The following LRRIQ1 variants were observed in gnomAD, a reference collection of about 807,000 sequenced individuals.
LRRIQ1 encodes leucine rich repeats and IQ motif containing 1.
A neutral mutation model predicts 211.9 loss-of-function variants in LRRIQ1; 210 were observed. That is an observed-to-expected ratio of 0.99 (90% CI 0.89 to 1.11). The LOEUF (loss-of-function observed/expected upper bound fraction) is 1.11. Among genes scored for constraint, LRRIQ1 ranks in the 50% most tolerant of loss-of-function variants. The pLI is 0.00. For missense variants in LRRIQ1, 2,136 were observed against 1,939.5 expected (o/e 1.10, Z -1.90); for synonymous variants, 699 against 650.1 (o/e 1.08, Z -1.14).
intron 3 of LRRIQ1, among the ~76,000 whole-genome samples, chr12:85,041,031 G>A (rs1234275361): frequency 6.6e-6 from 1 of 151,544 alleles, no homozygotes; most frequent in Admixed American, 6.6e-5. Context: ...TGGAAAGATC[G>A]AAGATTTAAT....
intron 23 of LRRIQ1, among the ~76,000 whole-genome samples, chr12:85,159,234 A>G (rs1323120049): frequency 6.6e-6 from 1 of 152,078 alleles, no homozygotes; most frequent in African/African-American, 2.4e-5. Context: ...AAGAAATGCC[A>G]AAGAACTTAT....
chr12:85,213,479 T>A (rs1431943416), intron 24 of LRRIQ1, among the ~76,000 whole-genome samples: 1 of 152,060 alleles, frequency 6.6e-6, no homozygotes, highest in Non-Finnish European at 1.5e-5. Flanking sequence ...ATAAACTGGT[T>A]TAATAAAATT....
chr12:85,094,142 A>G (rs1266790800), intron 11 of LRRIQ1, among the ~76,000 whole-genome samples: 1 of 152,162 alleles, frequency 6.6e-6, no homozygotes, highest in Non-Finnish European at 1.5e-5. Flanking sequence ...TGCAGCATTT[A>G]ATCTTTGTGA....
chr12:85,047,360 A>T lies in LRRIQ1; in HGVS notation c.568A>T (p.Lys190Ter). Residue 190 changes from lysine to a stop codon, truncating the protein, a stop_gained, in exon 6 of 27, where the codon AAA (lysine) becomes TAA (stop). Transcript: ENST00000393217. LOFTEE classifies it high-confidence loss of function. ...AGAAGATAAAGAGAAACAAACTCTC[A>T]AAGCTCAGAGGGATAGAGAAGAAAA... Reference protein sequence around the residue: ...ELEDKEKQTLKAQRDREEKQF... With the variant: ...ELEDKEKQTL 1 of 1,607,540 alleles carries T rather than the reference A, an allele frequency of 6.2e-7. No individual in the cohort carries two copies. Among genetic ancestry groups the T allele is most frequent in the Non-Finnish European group, 8.5e-7 (1 of 1,174,226 alleles).
intron 10 of LRRIQ1, among the ~76,000 whole-genome samples, chr12:85,072,582 G>T (rs186169129): frequency 2.4e-4 from 36 of 150,492 alleles, no homozygotes; most frequent in African/African-American, 8.0e-4. Context: ...TTTTGTGAAT[G>T]TTACTGCCGT....
intron 11 of LRRIQ1, among the ~76,000 whole-genome samples, chr12:85,092,644 G>A (rs78243425): frequency 0.024 from 3,683 of 152,148 alleles, 63 homozygotes; most frequent in Non-Finnish European, 0.039. Flanking sequence ...TATAATATTT[G>A]GCATCTGGCT....
At position 85,056,880 on chromosome 12, in the gene LRRIQ1, TG is replaced by T. The variant is rs1262885718; in HGVS notation, c.2089del (p.Val697TyrfsTer29). ...AGTAACTATAATGCAGAAAGCTCCA[TG>T]GTATCTAAAGAAGTCAACTCTCTTA... ...GLSNYNAESS[M>X]VSKEVNSLKS... On this transcript the variant is annotated frameshift_variant, in exon 8 of 27. Transcript: ENST00000393217. LOFTEE classifies it high-confidence loss of function. 6.2e-7 allele frequency: 1 copy of T among 1,613,446 alleles called. No individual in the cohort carries two copies. Among genetic ancestry groups the T allele is most frequent in the South Asian group, 1.1e-5 (1 of 91,036 alleles).
At chr12:85,254,272 G>T (rs1296839168) in intron 1 of LRRIQ1, among the ~76,000 whole-genome samples, 1 of 152,086 alleles carries the variant, frequency 6.6e-6, no homozygotes, top group East Asian at 1.9e-4. Context: ...AAATTATGCA[G>T]TCTCAGGTAT....
intron 23 of LRRIQ1, among the ~76,000 whole-genome samples, chr12:85,157,717 G>A (rs1252538095): frequency 6.6e-6 from 1 of 151,794 alleles, no homozygotes; most frequent in East Asian, 1.9e-4. Flanking sequence ...CAGAAAGGGA[G>A]TGGGTGTTTG....
chr12:85,178,808 T>C (rs1248462029), intron 24 of LRRIQ1, among the ~76,000 whole-genome samples: 1 of 151,840 alleles, frequency 6.6e-6, no homozygotes, highest in Non-Finnish European at 1.5e-5. Flanking sequence ...CATATTTACT[T>C]ACTGATACAG....
rs561717684 is a variant in LRRIQ1, at chr12:85,124,060, A to G, written c.3558-10A>G. 25 of 1,578,070 alleles carry G rather than the reference A, an allele frequency of 1.6e-5. No individual in the cohort carries two copies. The highest frequency in any genetic ancestry group is 2.1e-5 in the Non-Finnish European group (24 of 1,152,298). On this transcript the variant is annotated splice_polypyrimidine_tract_variant and intron_variant, in intron 16 of 26. Coordinates refer to ENST00000393217, the MANE Select transcript of LRRIQ1 (RefSeq NM_001079910.2). Reference sequence around the variant, plus strand: ...TTCTTATTAAATGTTCTCATCATTTATTTGTTCAGAGATGTATTTACCTTG... The same window carrying G: ...TTCTTATTAAATGTTCTCATCATTTGTTTGTTCAGAGATGTATTTACCTTG...
At chr12:85,073,149 A>T in intron 11 of LRRIQ1, 51 bp downstream of exon 11, 1 of 1,356,222 alleles carries the variant, frequency 7.4e-7, no homozygotes, top group Non-Finnish European at 1.0e-6. Flanking sequence ...TTTCTAGAGG[A>T]GGTATGGGGA....
chr12:85,264,354 T>C (rs1896378911), exon 2 of LRRIQ1: 1 of 152,066 alleles, frequency 6.6e-6, no homozygotes, highest in African/African-American at 2.4e-5. Flanking sequence ...CTGTAACCTG[T>C]GTAATTGTTT....
chr12:85,163,153 G>C (rs529138355), intron 24 of LRRIQ1, among the ~76,000 whole-genome samples: 11 of 152,126 alleles, frequency 7.2e-5, no homozygotes, highest in Non-Finnish European at 1.5e-4. Context: ...CTGCCCAGTA[G>C]AGAGTGCCTC....
intron 11 of LRRIQ1, among the ~76,000 whole-genome samples, chr12:85,085,988 A>G (rs114420699): frequency 0.027 from 4,185 of 152,194 alleles, 189 homozygotes; most frequent in African/African-American, 0.095. Flanking sequence ...TGGTAGTTCT[A>G]ATTTCTTTGA....
At chr12:85,204,026 G>A (rs909782145) in intron 24 of LRRIQ1, among the ~76,000 whole-genome samples, 2 of 152,252 alleles carry the variant, frequency 1.3e-5, no homozygotes, top group South Asian at 2.1e-4. Context: ...AAATGGTTTT[G>A]TGGGCTGGGC....
chr12:85,073,400 A>C (rs1883302724), intron 11 of LRRIQ1, among the ~76,000 whole-genome samples: 1 of 152,032 alleles, frequency 6.6e-6, no homozygotes, highest in South Asian at 2.1e-4. Flanking sequence ...TTTACTTTAA[A>C]ATTTTAGTTT....
At position 85,056,435 on chromosome 12, in the gene LRRIQ1, A is replaced by C. The variant is rs753079084; in HGVS notation, c.1642A>C (p.Asn548His). Residue 548 changes from asparagine to histidine, a missense_variant, in exon 8 of 27, where the codon AAT (asparagine) becomes CAT (histidine). Asn to His is a moderately conservative substitution (Grantham distance 68, BLOSUM62 1). Coordinates refer to ENST00000393217, the MANE Select transcript of LRRIQ1 (RefSeq NM_001079910.2). ...EKIMKHVINE[N>H]TGQKTQIILG... ...AATCATGAAACATGTCATAAATGAG[A>C]ATACAGGACAAAAAACCCAGATAAT... The C allele has an allele frequency of 1.1e-5, 18 of 1,597,630 alleles. No homozygotes were observed. Among genetic ancestry groups the C allele is most frequent in the Non-Finnish European group, 1.4e-5 (17 of 1,175,834 alleles).
chr12:85,057,044 C>T lies in LRRIQ1; in HGVS notation c.2251C>T (p.Pro751Ser). 6.2e-7 allele frequency: 1 copy of T among 1,608,592 alleles called. No homozygotes were observed. Among genetic ancestry groups the T allele is most frequent in the South Asian group, 1.1e-5 (1 of 89,888 alleles). ...RRLAWIKSFK[P>S]WLEIFKQNQQ... is the part of the protein sequence containing the mutation. ...ACTAGCCTGGATAAAATCATTTAAA[C>T]CTTGGCTTGAAATTTTCAAGCAAAA... The change falls in exon 8 of 27, where the codon CCT becomes TCT. Residue 751 changes from proline (P) to serine (S), a missense_variant. Physicochemically the swap from Pro to Ser is moderately conservative, Grantham distance 74. Transcript: ENST00000393217.
Sources: allele counts gnomAD v4.1 joint callset (sites outside exome capture counted in the v4.1 genomes callset), GRCh38; gene constraint gnomAD v4.1.1; transcripts MANE v1.5; gene names NCBI Gene and HGNC (gene_info 2026-07-23, HGNC 2026-07-21).